The following VAV2 variants were observed in gnomAD, a reference collection of about 807,000 sequenced individuals.
The protein encoded by VAV2 is vav guanine nucleotide exchange factor 2.
Under a neutral mutation model 132.5 loss-of-function variants are expected in VAV2, and 67 were observed. The observed-to-expected ratio is 0.51, with a 90% CI of 0.42 to 0.62. VAV2 has a LOEUF of 0.62. VAV2 is among the 20% of genes least tolerant of loss of function. The pLI is 0.00. For missense variants in VAV2, 938 were observed against 1,153.6 expected (o/e 0.81, Z 2.71); for synonymous variants, 492 against 443.5 (o/e 1.11, Z -1.37).
At chr9:133,842,598 T>C (rs1339723645) in intron 3 of VAV2, among the ~76,000 whole-genome samples, 1 of 151,928 alleles carries the variant, frequency 6.6e-6, no homozygotes, top group African/African-American at 2.4e-5. Flanking sequence ...TTTCCATTTA[T>C]GGTGCTGACA....
Position 133,961,323 on chromosome 9 carries a change from C to T in VAV2, c.205-22104G>A, listed in dbSNP as rs1228357926. Among the ~76,000 whole-genome samples, 1 of 152,248 alleles carries T rather than the reference C, an allele frequency of 6.6e-6. No individual in the cohort carries two copies. Among genetic ancestry groups the T allele is most frequent in the Non-Finnish European group, 1.5e-5 (1 of 68,048 alleles). ...TCAAGCCGGCCAATGAGGGCTGAAG[C>T]TTCGGCCTGTGGCCAAGACACCATG... On this transcript the variant is annotated intron_variant, in intron 1 of 29. Transcript: ENST00000371850. This position sits in a 1 kb window ranked among gnomAD's most constrained non-coding sequence, Gnocchi z 4.1.
rs1041004898 is a variant in VAV2 at position 133,919,181 on chromosome 9, C to T, written c.321+19922G>A. Among the ~76,000 whole-genome samples, 1 of 152,196 alleles carries T rather than the reference C, an allele frequency of 6.6e-6. No homozygotes were observed. Among genetic ancestry groups the T allele is most frequent in the East Asian group, 1.9e-4 (1 of 5,190 alleles). Reference sequence around the variant, plus strand: ...GCTCTGCCCACAGCCTCTCCACGCACCCCCTCACTGCTGTGCCCTGGCACC... The same window carrying T: ...GCTCTGCCCACAGCCTCTCCACGCATCCCCTCACTGCTGTGCCCTGGCACC... On this transcript the variant is annotated intron_variant, in intron 2 of 29. Transcript: ENST00000371850. The surrounding 1 kb of genome is among the most constrained non-coding windows in gnomAD (Gnocchi z 5.8).
chr9:133,989,510 A>G (rs1415678451), intron 1 of VAV2, among the ~76,000 whole-genome samples: 4 of 140,114 alleles, frequency 2.9e-5, no homozygotes, highest in Non-Finnish European at 4.6e-5. Flanking sequence ...ATAGAGCGAG[A>G]CTCTATCTCA....
intron 29 of VAV2, among the ~76,000 whole-genome samples, chr9:133,767,277 A>G (rs540848545): frequency 6.6e-6 from 1 of 152,284 alleles, no homozygotes; most frequent in Admixed American, 6.5e-5. Flanking sequence ...ATGAGAGAAA[A>G]TAATATGCCA....
intron 1 of VAV2, among the ~76,000 whole-genome samples, chr9:133,943,974 G>T (rs1270088746): frequency 6.6e-6 from 1 of 152,214 alleles, no homozygotes; most frequent in Non-Finnish European, 1.5e-5. Flanking sequence ...CCAGGGCGGG[G>T]TGTCACAGAC....
rs146642121 is a variant in VAV2, at chr9:133,842,067, C to A, written c.381-7727G>T. 2.2e-4 allele frequency among the ~76,000 whole-genome samples: 34 copies of A among 152,336 alleles called. No individual in the cohort carries two copies. In the East Asian group the frequency reaches 6.2e-3, roughly 28 times the overall value. On this transcript the variant is annotated intron_variant, in intron 3 of 29. Coordinates refer to ENST00000371850, the MANE Select transcript of VAV2 (RefSeq NM_001134398.2). ...GAACAAGAACGCAGCCCTCAATGAACATTTGGATTCTGGAAGGTACTGACG... is the reference window on the plus strand; with the variant it reads ...GAACAAGAACGCAGCCCTCAATGAAAATTTGGATTCTGGAAGGTACTGACG...
Position 133,826,010 on chromosome 9 carries a change from A to G in VAV2, c.449+8262T>C, listed in dbSNP as rs1277285842. On this transcript the variant is annotated intron_variant, in intron 4 of 29. Coordinates refer to ENST00000371850, the MANE Select transcript of VAV2 (RefSeq NM_001134398.2). This position sits in a 1 kb window ranked among gnomAD's most constrained non-coding sequence, Gnocchi z 4.2. ...CATGCAGCTCTACATTCGCGGATACATTACATTCCCTGCCGTGTCACGATC... is the reference window on the plus strand; with the variant it reads ...CATGCAGCTCTACATTCGCGGATACGTTACATTCCCTGCCGTGTCACGATC... Among the ~76,000 whole-genome samples, 1 of 152,224 alleles carries G rather than the reference A, an allele frequency of 6.6e-6. No individual in the cohort carries two copies. Among genetic ancestry groups the G allele is most frequent in the Non-Finnish European group, 1.5e-5 (1 of 68,042 alleles).
chr9:133,949,874 C>T (rs7854253), intron 1 of VAV2, among the ~76,000 whole-genome samples: 1,600 of 152,350 alleles, frequency 0.011, 26 homozygotes, highest in African/African-American at 0.037. Context: ...CCGACCCGGG[C>T]GTCTCCTGCT....
chr9:133,892,903 C>A (rs1404149460), intron 2 of VAV2, among the ~76,000 whole-genome samples: 1 of 152,192 alleles, frequency 6.6e-6, no homozygotes, highest in African/African-American at 2.4e-5. Flanking sequence ...TCTCCATCCA[C>A]GGGGAACTTG....
chr9:133,940,676 T>C (rs913466937), intron 1 of VAV2, among the ~76,000 whole-genome samples: 6,193 of 59,672 alleles, frequency 0.1, 374 homozygotes, highest in African/African-American at 0.25. Context: ...CACGTGCGTG[T>C]GTGTGTGTGT....
chr9:133,785,053 G>C (rs1464760827), intron 17 of VAV2, among the ~76,000 whole-genome samples: 4 of 152,162 alleles, frequency 2.6e-5, no homozygotes, highest in Non-Finnish European at 5.9e-5. Context: ...CCCCCACAGA[G>C]CCTGGGTGCA....
In VAV2 at chr9:133,792,903, C is replaced by G. The variant is rs185755405; in HGVS notation, c.1102-1034G>C. Among the ~76,000 whole-genome samples, 615 of 152,264 alleles carry G rather than the reference C, an allele frequency of 4.0e-3. 2 individuals carry two copies. Among genetic ancestry groups the G allele is most frequent in the African/African-American group, 0.014 (593 of 41,524 alleles). On this transcript the variant is annotated intron_variant, in intron 12 of 29. Transcript: ENST00000371850. ...AACTCCTGGCTGGTGCCACTTCTTT[C>G]TACCCCATCACGTGGTCCCTCTTAA...
chr9:133,868,633 A>C (rs549394330), intron 2 of VAV2, among the ~76,000 whole-genome samples: 9 of 152,398 alleles, frequency 5.9e-5, no homozygotes, highest in African/African-American at 2.2e-4. Flanking sequence ...AGAGCAAAGT[A>C]CTAGGCTCAG....
chr9:133,974,691 G>A (rs1842449079), intron 1 of VAV2, among the ~76,000 whole-genome samples: 1 of 152,050 alleles, frequency 6.6e-6, no homozygotes, highest in South Asian at 2.1e-4. Flanking sequence ...TCCTCACTGT[G>A]CCATTCACCC....
intron 3 of VAV2, among the ~76,000 whole-genome samples, chr9:133,859,276 C>A (rs1190262480): frequency 1.3e-5 from 2 of 152,352 alleles, no homozygotes; most frequent in East Asian, 3.9e-4. Flanking sequence ...AACAGGCCCT[C>A]AGAGCTGCAG....
Position 133,853,760 on chromosome 9 carries a change from C to T in VAV2, c.380+7614G>A, listed in dbSNP as rs549172327. Among the ~76,000 whole-genome samples, 162 of 152,164 alleles carry T rather than the reference C, an allele frequency of 1.1e-3. 4 individuals carry two copies. The South Asian group carries it at 0.023, about 21-fold the overall frequency. The stretch of plus-strand genomic sequence containing the variant: ...TGCCCTGGGCTCTCCCTCCCCATGC[C>T]AACACTGCCCAGACAGGACAGCCGA... On this transcript the variant is annotated intron_variant, in intron 3 of 29. Coordinates refer to ENST00000371850, the MANE Select transcript of VAV2 (RefSeq NM_001134398.2).
At chr9:133,861,486 A>G in intron 2 of VAV2, 54 bp from the exon 3 acceptor site, 2 of 1,598,516 alleles carry the variant, frequency 1.3e-6, no homozygotes, top group Non-Finnish European at 1.7e-6. Context: ...CCAGAAAGGC[A>G]TCACAGAACT....
intron 21 of VAV2, 120 bp from the exon 22 acceptor site, chr9:133,779,009 G>T: frequency 1.5e-6 from 2 of 1,304,376 alleles, no homozygotes; most frequent in Admixed American, 2.2e-5. Flanking sequence ...ACAGCCTTGC[G>T]CCTGCATCTC....
Position 133,992,166 on chromosome 9 carries a change from C to G in VAV2, c.113G>C (p.Arg38Pro). The change falls in exon 1 of 30, where the codon CGC (arginine) becomes CCC (proline). Residue 38 changes from arginine (R) to proline (P), a missense_variant. Physicochemically the swap from Arg to Pro is moderately radical, Grantham distance 103. Coordinates refer to ENST00000371850, the MANE Select transcript of VAV2 (RefSeq NM_001134398.2). The surrounding 1 kb of genome is among the most constrained non-coding windows in gnomAD (Gnocchi z 5.5). ...CAGCTGGCACAGAAGGACCCCGTCGCGCAGCGCCTGCGCCAGGTCGAAGAC... is the reference window on the plus strand; with the variant it reads ...CAGCTGGCACAGAAGGACCCCGTCGGGCAGCGCCTGCGCCAGGTCGAAGAC... ...AVVFDLAQAL[R>P]DGVLLCQLLH... is the part of the protein sequence containing the mutation. 2 of 1,599,314 alleles carry G rather than the reference C, an allele frequency of 1.3e-6. No homozygotes were observed. Among genetic ancestry groups the G allele is most frequent in the Non-Finnish European group, 1.7e-6 (2 of 1,173,210 alleles).
Sources: allele counts gnomAD v4.1 joint callset (sites outside exome capture counted in the v4.1 genomes callset), GRCh38; gene constraint gnomAD v4.1.1; non-coding constraint Gnocchi (gnomAD v3.1); transcripts MANE v1.5; gene names NCBI Gene and HGNC (gene_info 2026-07-23, HGNC 2026-07-21).